The following NME7 variants were observed in gnomAD, a reference collection of about 807,000 sequenced individuals.
NME7 encodes NME/NM23 family member 7, also known as nucleoside diphosphate kinase 7.
A neutral mutation model predicts 49.1 loss-of-function variants in NME7; 41 were observed. The observed-to-expected ratio is 0.83, with a 90% CI of 0.65 to 1.08. The LOEUF (loss-of-function observed/expected upper bound fraction) is 1.08. Ranked by LOEUF, NME7 falls within the 50% of genes least tolerant of loss-of-function variation. The pLI, the probability that NME7 is intolerant of heterozygous loss-of-function variation, is 0.00. For synonymous variants in NME7, 139 were observed against 150.6 expected (o/e 0.92, Z 0.56); for missense variants, 423 against 463.4 (o/e 0.91, Z 0.80).
chr1:169,245,368 A>G (rs1401533676), intron 7 of NME7, among the ~76,000 whole-genome samples: 1 of 152,192 alleles, frequency 6.6e-6, no homozygotes. Context: ...AAAACAACTT[A>G]CAAAACTGAA....
At chr1:169,326,948 C>T (rs1457884613) in intron 1 of NME7, among the ~76,000 whole-genome samples, 1 of 152,162 alleles carries the variant, frequency 6.6e-6, no homozygotes, top group Non-Finnish European at 1.5e-5. Flanking sequence ...TGGTTTCCTT[C>T]CTCAAATGCT....
chr1:169,236,308 T>C (rs1414453395), intron 8 of NME7, among the ~76,000 whole-genome samples: 1 of 152,160 alleles, frequency 6.6e-6, no homozygotes, highest in East Asian at 1.9e-4. Context: ...ATAAGAATGC[T>C]TGACATTTGG....
intron 1 of NME7, among the ~76,000 whole-genome samples, chr1:169,335,582 G>A (rs1276242332): frequency 6.6e-6 from 1 of 151,310 alleles, no homozygotes; most frequent in Non-Finnish European, 1.5e-5. Context: ...GGGAACTTAG[G>A]GGACGAGTCA....
chr1:169,324,130 C>T (rs1651962041), intron 2 of NME7, among the ~76,000 whole-genome samples: 1 of 152,004 alleles, frequency 6.6e-6, no homozygotes, highest in African/African-American at 2.4e-5. Context: ...GCTGGGATTA[C>T]AGGCATGAGG....
At chr1:169,199,446 C>CTTT (rs142095393) in intron 10 of NME7, among the ~76,000 whole-genome samples, 2 of 127,674 alleles carry the variant, frequency 1.6e-5, no homozygotes, top group African/African-American at 2.8e-5. Flanking sequence ...AACCCAGGGT[C>CTTT]TTTTTTATTA....
Position 169,323,254 on chromosome 1 carries a change from T to C in NME7, c.141A>G (p.Leu47=). 2 of 1,602,746 alleles carry C rather than the reference T, an allele frequency of 1.2e-6. No homozygotes were observed. Among genetic ancestry groups the C allele is most frequent in the Middle Eastern group, 1.7e-4 (1 of 6,022 alleles). ...MHDVKNHRTF[L]KRTKYDNLHL... is the part of the protein sequence containing the mutation. ...GCAGGTTATCATATTTGGTCCGCTT[T>C]AAAAAGGTGCGATGATTCTTTACAT... The change falls in exon 3 of 12, where the codon TTA becomes TTG. Residue 47 remains leucine, a synonymous_variant. Coordinates refer to ENST00000367811, the MANE Select transcript of NME7 (RefSeq NM_013330.5).
intron 11 of NME7, among the ~76,000 whole-genome samples, chr1:169,143,741 A>G (rs1658675063): frequency 6.6e-6 from 1 of 152,180 alleles, no homozygotes; most frequent in Non-Finnish European, 1.5e-5. Flanking sequence ...TCTTCCTGGC[A>G]ACTTCCATTC....
At chr1:169,171,131 G>C (rs1345033652) in intron 10 of NME7, among the ~76,000 whole-genome samples, 1 of 152,086 alleles carries the variant, frequency 6.6e-6, no homozygotes, top group African/African-American at 2.4e-5. Context: ...TGATGGCCAG[G>C]CTCATACCTA....
chr1:169,211,843 T>G (rs1368438268), intron 10 of NME7, among the ~76,000 whole-genome samples: 2 of 152,224 alleles, frequency 1.3e-5, no homozygotes, highest in African/African-American at 4.8e-5. Flanking sequence ...TTCTGCTTTT[T>G]CAGGAAAAGA....
intron 10 of NME7, among the ~76,000 whole-genome samples, chr1:169,208,035 T>C (rs1660719599): frequency 6.6e-6 from 1 of 152,148 alleles, no homozygotes; most frequent in Non-Finnish European, 1.5e-5. Context: ...AAATACTTCA[T>C]ACCAGATGCC....
chr1:169,359,061 T>G (rs1435676399), intron 1 of NME7, among the ~76,000 whole-genome samples: 1 of 152,106 alleles, frequency 6.6e-6, no homozygotes, highest in African/African-American at 2.4e-5. Flanking sequence ...CCTCAGTATT[T>G]GCAGGGGATT....
chr1:169,351,959 G>A (rs570066288), intron 1 of NME7, among the ~76,000 whole-genome samples: 2 of 151,866 alleles, frequency 1.3e-5, no homozygotes, highest in Non-Finnish European at 2.9e-5. Context: ...AAAAGCCCAG[G>A]ACCTGATGGC....
intron 10 of NME7, among the ~76,000 whole-genome samples, chr1:169,222,622 C>T (rs1208377): frequency 6.6e-6 from 1 of 151,890 alleles, no homozygotes; most frequent in African/African-American, 2.4e-5. Flanking sequence ...AGAGGAACCC[C>T]GGGCTGAGAC....
intron 1 of NME7, among the ~76,000 whole-genome samples, chr1:169,345,308 A>G (rs987443823): frequency 1.5e-4 from 23 of 151,494 alleles, no homozygotes; most frequent in Non-Finnish European, 2.8e-4. Flanking sequence ...TCCATTTTCT[A>G]TTTTACTGTT....
chr1:169,311,822 C>A (rs1191351944), intron 3 of NME7, among the ~76,000 whole-genome samples: 1 of 152,136 alleles, frequency 6.6e-6, no homozygotes, highest in East Asian at 1.9e-4. Context: ...AAAATGTAAT[C>A]TGATTTTCTC....
At chr1:169,216,089 CATTT>C (rs1660965872) in intron 10 of NME7, among the ~76,000 whole-genome samples, 1 of 152,324 alleles carries the variant, frequency 6.6e-6, no homozygotes, top group South Asian at 2.1e-4. Context: ...GTGAAATATA[CATTT>C]GATCTTTGTC....
chr1:169,304,111 CAG>C (rs1651081609), intron 4 of NME7, among the ~76,000 whole-genome samples: 1 of 152,102 alleles, frequency 6.6e-6, no homozygotes, highest in African/African-American at 2.4e-5. Context: ...ATTTAGAATT[CAG>C]AGTTTATTAA....
At chr1:169,360,262 A>G (rs548970848) in intron 1 of NME7, among the ~76,000 whole-genome samples, 1 of 152,322 alleles carries the variant, frequency 6.6e-6, no homozygotes, top group East Asian at 1.9e-4. Context: ...GGCAACTATA[A>G]GGGATGAAAT....
intron 7 of NME7, among the ~76,000 whole-genome samples, chr1:169,257,445 C>T (rs35762400): frequency 0.086 from 11,437 of 133,014 alleles, 2,991 homozygotes; most frequent in East Asian, 0.75. Flanking sequence ...CGCGCACCCA[C>T]TGACCTGCGC....
Sources: gnomAD v4.1 joint callset for allele counts (sites outside exome capture counted in the v4.1 genomes callset) on GRCh38, gnomAD v4.1.1 for gene constraint, MANE v1.5 for transcripts, NCBI Gene and HGNC (gene_info 2026-07-23, HGNC 2026-07-21) for gene names.